The following GPHN variants were observed in gnomAD, a reference collection of about 807,000 sequenced individuals.
GPHN encodes the protein gephyrin.
GPHN carries 17 observed loss-of-function variants against 95.5 expected under a neutral mutation model. That is an observed-to-expected ratio of 0.18 (90% confidence interval 0.12 to 0.27). The LOEUF is 0.27. Among genes scored for constraint, GPHN ranks in the 10% least tolerant of loss-of-function variants. The pLI, the probability that GPHN is intolerant of heterozygous loss-of-function variation, is 1.00. For synonymous variants in GPHN, 320 were observed against 322.5 expected, an observed-to-expected ratio of 0.99 and a Z score of 0.08; for missense variants, 660 against 978.1, an observed-to-expected ratio of 0.67 and a Z score of 4.34.
At chr14:67,381,436 CCTT>C in the GPHN span, among the ~76,000 whole-genome samples, 1 of 152,226 alleles carries the variant, frequency 6.6e-6, no homozygotes, top group East Asian at 1.9e-4. Context: ...CCACACTCCT[CCTT>C]GCCTCCCTTT....
At chr14:67,275,758 T>C in the GPHN span, among the ~76,000 whole-genome samples, 2 of 152,204 alleles carry the variant, frequency 1.3e-5, no homozygotes, top group African/African-American at 4.8e-5. Context: ...TCCTGGACTT[T>C]TTTTGGTTGG....
the GPHN span, among the ~76,000 whole-genome samples, chr14:67,576,164 T>G: frequency 6.6e-6 from 1 of 152,218 alleles, no homozygotes; most frequent in Non-Finnish European, 1.5e-5. This position sits in a 1 kb window ranked among gnomAD's most constrained non-coding sequence, Gnocchi z 4.0. Flanking sequence ...TATACTGAAT[T>G]TATTCCCAGT....
chr14:66,659,471 G>A (rs1001623866), intron 1 of GPHN, among the ~76,000 whole-genome samples: 1 of 151,984 alleles, frequency 6.6e-6, no homozygotes, highest in Non-Finnish European at 1.5e-5. Flanking sequence ...GAGTTCTTCT[G>A]TATCTTTGTT....
At chr14:66,777,503 G>A (rs559312593) in intron 3 of GPHN, among the ~76,000 whole-genome samples, 5 of 152,116 alleles carry the variant, frequency 3.3e-5, no homozygotes, top group East Asian at 1.9e-4. Context: ...TACCAAAGCC[G>A]GGCAGAGACA....
intron 6 of GPHN, among the ~76,000 whole-genome samples, chr14:66,919,009 A>G (rs964493188): frequency 1.3e-5 from 2 of 152,164 alleles, no homozygotes; most frequent in African/African-American, 4.8e-5. Context: ...CTGGCCTTAT[A>G]TTCTGATTTT....
the GPHN span, among the ~76,000 whole-genome samples, chr14:67,243,060 T>G: frequency 6.6e-6 from 1 of 152,208 alleles, no homozygotes; most frequent in Non-Finnish European, 1.5e-5. Flanking sequence ...TTATCACCCA[T>G]TCCAAGAAAT....
the GPHN span, among the ~76,000 whole-genome samples, chr14:67,675,234 C>A: frequency 3.9e-5 from 6 of 152,210 alleles, no homozygotes; most frequent in African/African-American, 1.4e-4. Flanking sequence ...CCCGGCCGGG[C>A]GAGTGGCTCG....
Position 67,068,150 on chromosome 14 carries a change from G to A in GPHN, c.1144+9364G>A, listed in dbSNP as rs989019982. Among the ~76,000 whole-genome samples the A allele has an allele frequency of 4.6e-4, 70 of 152,254 alleles. 1 individual carries two copies. Among genetic ancestry groups the A allele is most frequent in the Non-Finnish European group, 2.1e-4 (14 of 68,010 alleles). ...GTTATGGTTACAACAACTGGAACCC[G>A]GGATCCTTAACTCCCAGTCTGGTGT... is the stretch of plus-strand genomic sequence containing the variant. On this transcript the variant is annotated intron_variant, in intron 11 of 22. Coordinates refer to ENST00000478722, the MANE Select transcript of GPHN (RefSeq NM_020806.5).
chr14:66,834,762 G>T (rs1468357939), intron 4 of GPHN, among the ~76,000 whole-genome samples: 1 of 150,358 alleles, frequency 6.7e-6, no homozygotes, highest in Non-Finnish European at 1.5e-5. Flanking sequence ...GAATGATGCT[G>T]GCCTCATAAA....
chr14:66,756,602 T>G (rs1422238629), intron 2 of GPHN, among the ~76,000 whole-genome samples: 1 of 152,194 alleles, frequency 6.6e-6, no homozygotes, highest in African/African-American at 2.4e-5. Context: ...CAAGAACACA[T>G]AAGTTTTTAA....
At chr14:67,556,164 A>G in the GPHN span, among the ~76,000 whole-genome samples, 1 of 152,134 alleles carries the variant, frequency 6.6e-6, no homozygotes, top group Non-Finnish European at 1.5e-5. Flanking sequence ...CACTCGTGGA[A>G]CCTGTCCATT....
At chr14:67,082,744 AG>A (rs1250964215) in intron 11 of GPHN, among the ~76,000 whole-genome samples, 1 of 152,138 alleles carries the variant, frequency 6.6e-6, no homozygotes, top group Non-Finnish European at 1.5e-5. Context: ...ATATGAACAC[AG>A]GCTGTCTTTC....
chr14:66,915,723 A>C (rs1446469569), intron 5 of GPHN, among the ~76,000 whole-genome samples: 2 of 152,308 alleles, frequency 1.3e-5, no homozygotes, highest in South Asian at 4.1e-4. Flanking sequence ...GAAGTTAGAC[A>C]AAATAGGTAA....
At chr14:67,519,296 T>C in the GPHN span, among the ~76,000 whole-genome samples, 1 of 152,212 alleles carries the variant, frequency 6.6e-6, no homozygotes, top group Non-Finnish European at 1.5e-5. Flanking sequence ...TATGATCAGA[T>C]GGCTCGCATA....
the GPHN span, among the ~76,000 whole-genome samples, chr14:67,262,057 A>G: frequency 6.6e-6 from 1 of 152,118 alleles, no homozygotes; most frequent in African/African-American, 2.4e-5. Flanking sequence ...ATTTTAGTTA[A>G]TGTTCTATTG....
the GPHN span, among the ~76,000 whole-genome samples, chr14:67,635,534 G>C: frequency 6.6e-6 from 1 of 152,162 alleles, no homozygotes; most frequent in African/African-American, 2.4e-5. Context: ...CTTGTTCTAA[G>C]AATTAGCAGT....
intron 4 of GPHN, among the ~76,000 whole-genome samples, chr14:66,868,559 A>G (rs2063315243): frequency 6.6e-6 from 1 of 151,924 alleles, no homozygotes; most frequent in Non-Finnish European, 1.5e-5. Flanking sequence ...ACGCCGGGCT[A>G]ATTTTTGTAT....
chr14:67,236,400 C>G, the GPHN span, among the ~76,000 whole-genome samples: 1 of 152,194 alleles, frequency 6.6e-6, no homozygotes, highest in Non-Finnish European at 1.5e-5. Context: ...GTCTAGCACA[C>G]TTATGTTCAT....
the GPHN span, among the ~76,000 whole-genome samples, chr14:67,581,427 G>C: frequency 2.0e-5 from 3 of 152,100 alleles, no homozygotes; most frequent in Non-Finnish European, 4.4e-5. Flanking sequence ...CAGGGGGGCT[G>C]AGGTGGGAGG....
Sources: gnomAD v4.1 joint callset for allele counts (sites outside exome capture counted in the v4.1 genomes callset) on GRCh38, gnomAD v4.1.1 for gene constraint, Gnocchi (gnomAD v3.1) non-coding constraint, MANE v1.5 for transcripts, NCBI Gene and HGNC (gene_info 2026-07-23, HGNC 2026-07-21) for gene names.